SLC35F3: variants seen among roughly 807,000 people sequenced by gnomAD.
SLC35F3 encodes the protein putative thiamine transporter SLC35F3.
Under a neutral mutation model 49.9 loss-of-function variants are expected in SLC35F3, and 25 were observed. The ratio of observed to expected loss-of-function variants is 0.50; its 90% CI spans 0.37 to 0.70. The LOEUF (loss-of-function observed/expected upper bound fraction) is 0.70. Among genes scored for constraint, SLC35F3 ranks in the 30% least tolerant of loss-of-function variants. The probability of loss-of-function intolerance (pLI) is 0.00; values close to 1 mark genes in which losing one functional copy is unlikely to be tolerated. For missense variants in SLC35F3, 525 were observed against 639.8 expected, an observed-to-expected ratio of 0.82 and a Z score of 1.94; for synonymous variants, 275 against 265.4, an observed-to-expected ratio of 1.04 and a Z score of -0.35.
chr1:234,214,243 G>A lies in SLC35F3; in HGVS notation c.284-17174G>A. ...TGGAGTTTGCAGCAACCTCCAAGTA[G>A]GAGGCTGTGCGCGCGTGTGTGTGGA... On this transcript the variant is annotated intron_variant, in intron 2 of 7. Coordinates refer to ENST00000366618, the MANE Select transcript of SLC35F3 (RefSeq NM_173508.4). The surrounding 1 kb of genome is among the most constrained non-coding windows in gnomAD (Gnocchi z 8.0). 8.1e-7 allele frequency: 1 copy of A among 1,238,818 alleles called. No homozygotes were observed. The highest frequency in any genetic ancestry group is 1.0e-6 in the Non-Finnish European group (1 of 992,112). The allele number at this position is 1,238,818 out of a possible 1,614,324, so 76.7% of individuals were successfully genotyped here.
At chr1:234,002,505 T>C (rs533917170) in intron 2 of SLC35F3, among the ~76,000 whole-genome samples, 2 of 152,200 alleles carry the variant, frequency 1.3e-5, no homozygotes, top group African/African-American at 4.8e-5. Flanking sequence ...TGATTTTTTT[T>C]ATCATGATTA....
chr1:233,971,011 T>A (rs1662982658), intron 2 of SLC35F3, among the ~76,000 whole-genome samples: 1 of 152,258 alleles, frequency 6.6e-6, no homozygotes, highest in South Asian at 2.1e-4. Context: ...TCTTTCTGTA[T>A]GTGGCTAGCC....
chr1:234,237,324 A>G (rs1667490352), intron 3 of SLC35F3, among the ~76,000 whole-genome samples: 1 of 152,154 alleles, frequency 6.6e-6, no homozygotes, highest in East Asian at 1.9e-4. Context: ...CTGAAGTATT[A>G]TAAAACTTGT....
Position 234,217,984 on chromosome 1 carries a change from C to T in SLC35F3, c.284-13433C>T, listed in dbSNP as rs556356836. The stretch of plus-strand genomic sequence containing the variant: ...AGAGGGGAGGAGAGGCAGTTTCAGG[C>T]AGAGAGAACATGGATGCTAGGGCTC... On this transcript the variant is annotated intron_variant, in intron 2 of 7. Transcript: ENST00000366618. Among the ~76,000 whole-genome samples, 18 of 152,240 alleles carry T rather than the reference C, an allele frequency of 1.2e-4. No homozygotes were observed. In the South Asian group the frequency reaches 1.2e-3, roughly 11 times the overall value.
intron 2 of SLC35F3, among the ~76,000 whole-genome samples, chr1:233,991,574 G>A (rs922005764): frequency 2.6e-5 from 4 of 152,122 alleles, no homozygotes; most frequent in Non-Finnish European, 1.5e-5. Flanking sequence ...GTCCAAAAGC[G>A]ATGAACTTTG....
intron 3 of SLC35F3, among the ~76,000 whole-genome samples, chr1:234,246,028 G>A (rs192924109): frequency 1.3e-5 from 2 of 152,268 alleles, no homozygotes; most frequent in African/African-American, 4.8e-5. Context: ...GATCATCTCG[G>A]GGAAGAGTAC....
chr1:234,064,141 A>T (rs1298074918), intron 2 of SLC35F3, among the ~76,000 whole-genome samples: 1 of 151,974 alleles, frequency 6.6e-6, no homozygotes, highest in Non-Finnish European at 1.5e-5. Flanking sequence ...TGTCTGTTTT[A>T]TACTTTTGCT....
intron 2 of SLC35F3, among the ~76,000 whole-genome samples, chr1:233,990,708 A>G (rs140696511): frequency 1.8e-4 from 28 of 152,370 alleles, no homozygotes; most frequent in Middle Eastern, 3.4e-3. Context: ...GTGTGCACAT[A>G]TCAAAACATT....
intron 2 of SLC35F3, among the ~76,000 whole-genome samples, chr1:234,142,380 A>G (rs1665929476): frequency 6.6e-6 from 1 of 152,084 alleles, no homozygotes; most frequent in Non-Finnish European, 1.5e-5. Context: ...ACAAGAAAGG[A>G]GCTCATGCCC....
chr1:234,155,782 C>CAAAAAA lies in SLC35F3; in HGVS notation c.284-75630_284-75625dup, dbSNP rs59089092. 2.2e-3 allele frequency among the ~76,000 whole-genome samples: 311 copies of CAAAAAA among 142,692 alleles called. 1 individual carries two copies. The highest frequency in any genetic ancestry group is 6.0e-3 in the East Asian group (29 of 4,832). The allele number at this position is 142,692 out of a possible 152,430, so 93.6% of individuals were successfully genotyped here. A position where few individuals can be genotyped will look rare whatever the true frequency, so the allele number is the denominator to read the frequency against. On this transcript the variant is annotated intron_variant, in intron 2 of 7. Transcript: ENST00000366618. ...TAGAACTCTACTTCACACAATATACCAAAAAAAAAACCCCAAAAACAAAAA... is the reference window on the plus strand; with the variant it reads ...TAGAACTCTACTTCACACAATATACCAAAAAAAAAAAAAAAACCCCAAAAACAAAAA...
chr1:234,085,349 T>C (rs962605410), intron 2 of SLC35F3, among the ~76,000 whole-genome samples: 1 of 152,184 alleles, frequency 6.6e-6, no homozygotes, highest in African/African-American at 2.4e-5. Context: ...TAATTAAAAA[T>C]CACCCATGCC....
At chr1:233,971,206 A>G (rs1662985655) in intron 2 of SLC35F3, among the ~76,000 whole-genome samples, 1 of 152,200 alleles carries the variant, frequency 6.6e-6, no homozygotes, top group Non-Finnish European at 1.5e-5. Context: ...AGCCAAGTAA[A>G]GGGAGCACTG....
intron 2 of SLC35F3, among the ~76,000 whole-genome samples, chr1:234,190,541 C>A: frequency 6.6e-6 from 1 of 152,186 alleles, no homozygotes; most frequent in East Asian, 1.9e-4. Context: ...TATACATGCA[C>A]CTAATGCTGG....
intron 2 of SLC35F3, among the ~76,000 whole-genome samples, chr1:234,121,805 C>T (rs375528164): frequency 1.3e-5 from 2 of 152,298 alleles, no homozygotes; most frequent in East Asian, 1.9e-4. Flanking sequence ...TGAGTGAGAA[C>T]ATGTGGTGTT....
At chr1:234,175,662 C>CAA (rs35257762) in intron 2 of SLC35F3, among the ~76,000 whole-genome samples, 16,355 of 98,246 alleles carry the variant, frequency 0.17, 1,743 homozygotes, top group Non-Finnish European at 0.22. Flanking sequence ...GACCCTGTCT[C>CAA]AAAAAAAAAA....
chr1:233,920,551 T>C (rs1662041554), intron 2 of SLC35F3, among the ~76,000 whole-genome samples: 1 of 152,238 alleles, frequency 6.6e-6, no homozygotes, highest in Non-Finnish European at 1.5e-5. Context: ...GGACAAACTC[T>C]AAGGTGAGCA....
chr1:234,029,573 A>G (rs1346914967), intron 2 of SLC35F3, among the ~76,000 whole-genome samples: 1 of 152,232 alleles, frequency 6.6e-6, no homozygotes, highest in Non-Finnish European at 1.5e-5. Context: ...TGACAGAAGG[A>G]ACCCACATTT....
chr1:234,030,940 A>G (rs1664053490), intron 2 of SLC35F3, among the ~76,000 whole-genome samples: 1 of 152,184 alleles, frequency 6.6e-6, no homozygotes, highest in Non-Finnish European at 1.5e-5. Context: ...ACTAAATCTT[A>G]TTATTCTGCC....
At chr1:234,047,578 T>C (rs1191887201) in intron 2 of SLC35F3, among the ~76,000 whole-genome samples, 1 of 152,208 alleles carries the variant, frequency 6.6e-6, no homozygotes, top group Non-Finnish European at 1.5e-5. Context: ...AATAGAACTA[T>C]ACCATCAGCT....
Sources: allele counts gnomAD v4.1 joint callset (sites outside exome capture counted in the v4.1 genomes callset), GRCh38; gene constraint gnomAD v4.1.1; non-coding constraint Gnocchi (gnomAD v3.1); transcripts MANE v1.5; gene names NCBI Gene and HGNC (gene_info 2026-07-23, HGNC 2026-07-21).